The following GAS7 variants were observed in gnomAD, a reference collection of about 807,000 sequenced individuals.
The protein encoded by GAS7 is growth arrest-specific protein 7.
A neutral mutation model predicts 71.1 loss-of-function variants in GAS7; 28 were observed. The ratio of observed to expected loss-of-function variants is 0.39; its 90% CI spans 0.29 to 0.54. The LOEUF is 0.54. GAS7 is among the 20% of genes least tolerant of loss of function. The pLI is 0.62. For missense variants in GAS7, 436 were observed against 627.8 expected, an observed-to-expected ratio of 0.69 and a Z score of 3.27; for synonymous variants, 258 against 245.8, an observed-to-expected ratio of 1.05 and a Z score of -0.46.
At chr17:9,997,403 ACAGT>A (rs1192831641) in intron 2 of GAS7, among the ~76,000 whole-genome samples, 1 of 152,208 alleles carries the variant, frequency 6.6e-6, no homozygotes, top group Non-Finnish European at 1.5e-5. Context: ...TTTAAAAATC[ACAGT>A]CAGAATAATA....
chr17:9,925,375 T>C (rs2067961447), intron 11 of GAS7, 101 bp downstream of exon 11: 1 of 1,227,308 alleles, frequency 8.1e-7, no homozygotes, highest in East Asian at 2.3e-5. Context: ...GCTGCAGTCT[T>C]GCAAAGGAGA....
At chr17:9,924,381 C>T (rs910883531) in intron 11 of GAS7, among the ~76,000 whole-genome samples, 9 of 152,110 alleles carry the variant, frequency 5.9e-5, no homozygotes, top group African/African-American at 1.9e-4. Context: ...CTATGTTGCC[C>T]AGGCTGGTCT....
intron 1 of GAS7, among the ~76,000 whole-genome samples, chr17:10,039,994 A>G (rs115044590): frequency 0.048 from 7,253 of 150,820 alleles, 552 homozygotes; most frequent in African/African-American, 0.16. Flanking sequence ...TGCTGGGGGG[A>G]CTCTTCCTCC....
chr17:10,062,607 T>C (rs1401953472), intron 1 of GAS7, among the ~76,000 whole-genome samples: 1 of 152,176 alleles, frequency 6.6e-6, no homozygotes, highest in Non-Finnish European at 1.5e-5. Context: ...ATAAAACACA[T>C]CTTGCCCATA....
rs34994635 is a variant in GAS7 at position 9,919,969 on chromosome 17, TTGTGTGTGTGTGTGTGTGTGTGTGTGTG to T, written c.1139-292_1139-265del. On this transcript the variant is annotated intron_variant, in intron 11 of 13. Coordinates refer to ENST00000432992, the MANE Select transcript of GAS7 (RefSeq NM_201433.2). The surrounding 1 kb of genome is among the most constrained non-coding windows in gnomAD (Gnocchi z 5.0). The stretch of plus-strand genomic sequence containing the variant: ...AGGATTCAGGATGGTGGTTCTCATT[TTGTGTGTGTGTGTGTGTGTGTGTGTGTG>T]TGTGTGTGTGTGTGTGTGTCTAGGG... 3.8e-5 allele frequency among the ~76,000 whole-genome samples: 5 copies of T among 131,398 alleles called. No individual in the cohort carries two copies. Among genetic ancestry groups the T allele is most frequent in the East Asian group, 2.3e-4 (1 of 4,268 alleles). The allele number at this position is 131,398 out of a possible 152,430, so 86.2% of individuals were successfully genotyped here.
intron 1 of GAS7, among the ~76,000 whole-genome samples, chr17:10,091,962 CAATTTAAAAAAAAAAA>C (rs758992630): frequency 3.4e-5 from 4 of 116,592 alleles, no homozygotes; most frequent in Non-Finnish European, 3.8e-5. Flanking sequence ...AATTTTGTCT[CAATTTAAAAAAAAAAA>C]AATGTGCCCT....
intron 1 of GAS7, among the ~76,000 whole-genome samples, chr17:10,081,822 T>C (rs1425199363): frequency 6.6e-6 from 1 of 152,192 alleles, no homozygotes; most frequent in East Asian, 1.9e-4. Context: ...CAGTCTGCAT[T>C]TGCAAAACCT....
At chr17:9,993,346 T>C (rs1388300862) in intron 2 of GAS7, among the ~76,000 whole-genome samples, 1 of 152,224 alleles carries the variant, frequency 6.6e-6, no homozygotes, top group African/African-American at 2.4e-5. Flanking sequence ...TGCATTTCTC[T>C]GATGGCCAGT....
chr17:9,956,772 G>A (rs748795936), intron 5 of GAS7, among the ~76,000 whole-genome samples: 2 of 152,084 alleles, frequency 1.3e-5, no homozygotes, highest in Admixed American at 6.5e-5. Flanking sequence ...TCTGCTCTGC[G>A]GGATCAGACA....
At chr17:10,192,919 A>C (rs567352238) in intron 1 of GAS7, among the ~76,000 whole-genome samples, 1 of 152,268 alleles carries the variant, frequency 6.6e-6, no homozygotes, top group South Asian at 2.1e-4. Flanking sequence ...TCCGAGCCAC[A>C]AGCCCTAATT....
intron 1 of GAS7, among the ~76,000 whole-genome samples, chr17:10,183,449 A>T (rs2074430628): frequency 6.6e-6 from 1 of 152,192 alleles, no homozygotes; most frequent in African/African-American, 2.4e-5. Context: ...AGCATACAGG[A>T]AGGTAAACTG....
chr17:10,142,185 C>T (rs551454277), intron 1 of GAS7, among the ~76,000 whole-genome samples: 4 of 145,768 alleles, frequency 2.7e-5, no homozygotes, highest in African/African-American at 7.7e-5. Context: ...CACTGCAGTC[C>T]GGCCTGGGCG....
chr17:10,074,977 G>C lies in GAS7; in HGVS notation c.184-55080C>G, dbSNP rs187595874. On this transcript the variant is annotated intron_variant, in intron 1 of 13. Coordinates refer to ENST00000432992, the MANE Select transcript of GAS7 (RefSeq NM_201433.2). ...CAAAAAAAAAAAATAGGATAATCTG[G>C]ATGCAGAAAAAGCACCGGACAAAAC... Among the ~76,000 whole-genome samples the C allele has an allele frequency of 9.3e-4, 142 of 151,886 alleles. 2 individuals are homozygous for C. The highest frequency in any genetic ancestry group is 1.8e-4 in the Non-Finnish European group (12 of 67,962).
At chr17:10,120,508 C>T (rs1346970978) in intron 1 of GAS7, among the ~76,000 whole-genome samples, 6 of 151,954 alleles carry the variant, frequency 3.9e-5, no homozygotes, top group Admixed American at 3.3e-4. Flanking sequence ...GTCAGGAGTT[C>T]GAGACCAGCC....
chr17:10,142,063 C>T (rs1037666559), intron 1 of GAS7, among the ~76,000 whole-genome samples: 16 of 151,916 alleles, frequency 1.1e-4, no homozygotes, highest in Non-Finnish European at 1.9e-4. Context: ...CCCGTCTCTA[C>T]TAAAAACACA....
intron 1 of GAS7, among the ~76,000 whole-genome samples, chr17:10,128,160 C>T (rs1448321360): frequency 6.6e-6 from 1 of 152,218 alleles, no homozygotes; most frequent in Non-Finnish European, 1.5e-5. Context: ...CCAGCAGTTC[C>T]GGGGCGGCTC....
At chr17:10,069,323 A>G (rs2152246000) in intron 1 of GAS7, among the ~76,000 whole-genome samples, 1 of 152,146 alleles carries the variant, frequency 6.6e-6, no homozygotes, top group East Asian at 1.9e-4. Context: ...TAAATCCTCA[A>G]CAGGTGACAA....
Position 10,103,646 on chromosome 17 carries a change from A to G in GAS7, c.184-83749T>C, listed in dbSNP as rs574154371. Among the ~76,000 whole-genome samples, 5 of 151,916 alleles carry G rather than the reference A, an allele frequency of 3.3e-5. No homozygotes were observed. Among genetic ancestry groups the G allele is most frequent in the African/African-American group, 1.2e-4 (5 of 41,348 alleles). On this transcript the variant is annotated intron_variant, in intron 1 of 13. Coordinates refer to ENST00000432992, the MANE Select transcript of GAS7 (RefSeq NM_201433.2). The surrounding 1 kb of genome is among the most constrained non-coding windows in gnomAD (Gnocchi z 5.5). ...TTCAAGACCAGCCTGGCCAACATGGAGAAACCCCGTCTCTACCAAAAATAC... is the reference window on the plus strand; with the variant it reads ...TTCAAGACCAGCCTGGCCAACATGGGGAAACCCCGTCTCTACCAAAAATAC...
At chr17:9,973,034 C>G (rs1302399458) in intron 3 of GAS7, among the ~76,000 whole-genome samples, 1 of 152,058 alleles carries the variant, frequency 6.6e-6, no homozygotes, top group Non-Finnish European at 1.5e-5. Context: ...AGGCCAATAA[C>G]ATACGCCAAA....
Sources: allele counts gnomAD v4.1 joint callset (sites outside exome capture counted in the v4.1 genomes callset), GRCh38; gene constraint gnomAD v4.1.1; non-coding constraint Gnocchi (gnomAD v3.1); transcripts MANE v1.5; gene names NCBI Gene and HGNC (gene_info 2026-07-23, HGNC 2026-07-21).